Variants in UBXN2B observed in about 807,000 individuals in gnomAD.
The protein encoded by UBXN2B is UBX domain protein 2B, also known as UBX domain-containing protein 2B.
UBXN2B carries 19 observed loss-of-function variants against 37.5 expected under a neutral mutation model. The observed-to-expected ratio is 0.51, with a 90% CI of 0.35 to 0.74. UBXN2B has a LOEUF of 0.74. UBXN2B is among the 30% of genes least tolerant of loss of function. The pLI, the probability that UBXN2B is intolerant of heterozygous loss-of-function variation, is 0.01. For missense variants in UBXN2B, 370 were observed against 393.2 expected (o/e 0.94, Z 0.50); for synonymous variants, 145 against 143.8 (o/e 1.01, Z -0.06).
chr8:58,446,779 ATTTTTTTTTTTTTTTTTT>A (rs869090698), intron 7 of UBXN2B, among the ~76,000 whole-genome samples: 73 of 17,406 alleles, frequency 4.2e-3, no homozygotes, highest in African/African-American at 0.01. Flanking sequence ...TACAACCTGC[ATTTTTTTTTTTTTTTTTT>A]TTTTTTTTTT....
At position 58,439,610 on chromosome 8, in the gene UBXN2B, CT is replaced by C. The variant is rs374690089; in HGVS notation, c.534-17del. On this transcript the variant is annotated intron_variant, in intron 5 of 7. Transcript: ENST00000399598. ...TAATTCTTGGAAAACTTAATGATAACTTTTTTCCCCCCTTTTTAAAAGAGAG... is the reference window on the plus strand; with the variant it reads ...TAATTCTTGGAAAACTTAATGATAACTTTTTCCCCCCTTTTTAAAAGAGAG... The C allele has an allele frequency of 1.2e-3, 1,918 of 1,586,224 alleles. 2 individuals are homozygous for C. Among genetic ancestry groups the C allele is most frequent in the Admixed American group, 3.9e-3 (205 of 52,348 alleles).
At chr8:58,415,920 T>G (rs1807766713) in intron 1 of UBXN2B, among the ~76,000 whole-genome samples, 1 of 152,128 alleles carries the variant, frequency 6.6e-6, no homozygotes, top group Non-Finnish European at 1.5e-5. Context: ...AATAGAATTT[T>G]CAAAGAATTA....
chr8:58,445,368 G>T (rs1808642980), intron 6 of UBXN2B, among the ~76,000 whole-genome samples: 1 of 152,166 alleles, frequency 6.6e-6, no homozygotes, highest in Non-Finnish European at 1.5e-5. Context: ...GTGTTTAAAT[G>T]ATATTAACCA....
intron 6 of UBXN2B, among the ~76,000 whole-genome samples, chr8:58,441,380 T>C (rs1440466981): frequency 1.3e-5 from 2 of 149,242 alleles, no homozygotes; most frequent in Admixed American, 6.7e-5. Context: ...TATGTGTATA[T>C]ATATGTATGT....
chr8:58,441,203 A>G (rs1343462883), intron 6 of UBXN2B, among the ~76,000 whole-genome samples: 1 of 151,506 alleles, frequency 6.6e-6, no homozygotes, highest in Non-Finnish European at 1.5e-5. Flanking sequence ...TATGTTGCCC[A>G]GGCTGGTCTT....
At chr8:58,426,352 G>T (rs991191919) in intron 2 of UBXN2B, among the ~76,000 whole-genome samples, 2 of 151,896 alleles carry the variant, frequency 1.3e-5, no homozygotes, top group African/African-American at 4.8e-5. Flanking sequence ...GACTACAGGT[G>T]CCTGCCACCA....
chr8:58,446,020 G>A lies in UBXN2B; in HGVS notation c.785G>A (p.Arg262Lys). 7 of 1,613,046 alleles carry A rather than the reference G, an allele frequency of 4.3e-6. No individual in the cohort carries two copies. Among genetic ancestry groups the A allele is most frequent in the Non-Finnish European group, 5.9e-6 (7 of 1,179,704 alleles). The change falls in exon 7 of 8, where the codon AGG (arginine) becomes AAG (lysine). Residue 262 changes from arginine to lysine, a missense_variant. By Grantham distance (26) the Arg-to-Lys change is conservative. Around this residue, in one of 3 missense-constraint regions of UBXN2B, gnomAD observed 83 missense variants for 83.5 expected, o/e 0.99. Coordinates refer to ENST00000399598, the MANE Select transcript of UBXN2B (RefSeq NM_001077619.2). ...GTGCCAACAACAAAAATTCAAATCA[G>A]GTTAGCAGATGGGAGTCGTTTGATA... is the stretch of plus-strand genomic sequence containing the variant. ...DSVPTTKIQI[R>K]LADGSRLIQR...
At chr8:58,416,476 A>C (rs1445353275) in intron 1 of UBXN2B, among the ~76,000 whole-genome samples, 1 of 152,102 alleles carries the variant, frequency 6.6e-6, no homozygotes, top group African/African-American at 2.4e-5. Flanking sequence ...CTATTTTATG[A>C]GATCTGATGG....
chr8:58,436,838 C>T (rs1177431612), intron 5 of UBXN2B, among the ~76,000 whole-genome samples: 1 of 152,136 alleles, frequency 6.6e-6, no homozygotes, highest in Non-Finnish European at 1.5e-5. Context: ...AATCTGGTAC[C>T]ATGCTACTTG....
chr8:58,434,364 TATA>T (rs753880198), intron 4 of UBXN2B, 28 bp from the exon 5 acceptor site: 307 of 600,160 alleles, frequency 5.1e-4, no homozygotes, highest in East Asian at 4.2e-3. Context: ...TATATATATA[TATA>T]TATTTTTTTT....
chr8:58,424,816 T>C (rs569404089), intron 2 of UBXN2B: 53 of 1,442,816 alleles, frequency 3.7e-5, no homozygotes, highest in Non-Finnish European at 4.5e-5. Flanking sequence ...AGTATAATGC[T>C]GGACCGCCAT....
intron 1 of UBXN2B, among the ~76,000 whole-genome samples, chr8:58,414,857 G>A (rs1212657858): frequency 6.6e-6 from 1 of 151,916 alleles, no homozygotes; most frequent in Non-Finnish European, 1.5e-5. Flanking sequence ...ACATTCCATG[G>A]GGCTAGTGGC....
chr8:58,413,615 G>A (rs1488292611), intron 1 of UBXN2B, among the ~76,000 whole-genome samples: 2 of 152,136 alleles, frequency 1.3e-5, no homozygotes, highest in African/African-American at 2.4e-5. Context: ...CCCTGAGTAA[G>A]TGTATCTTAG....
intron 3 of UBXN2B, among the ~76,000 whole-genome samples, chr8:58,431,577 A>G (rs1288833959): frequency 6.6e-6 from 1 of 152,210 alleles, no homozygotes; most frequent in Non-Finnish European, 1.5e-5. Context: ...TCTCTGAGAT[A>G]AATGCTCAGA....
At position 58,416,866 on chromosome 8, in the gene UBXN2B, T is replaced by C. The variant is rs373020917; in HGVS notation, c.101T>C (p.Leu34Ser). The C allele has an allele frequency of 9.3e-6, 15 of 1,612,064 alleles. No individual in the cohort carries two copies. The highest frequency in any genetic ancestry group is 1.2e-5 in the Non-Finnish European group (14 of 1,178,720). ...ATTATGTAGTTGGCCTTGGCAGAATTGTATGAAGATGAAGTGAAGTGCAAA... is the reference window on the plus strand; with the variant it reads ...ATTATGTAGTTGGCCTTGGCAGAATCGTATGAAGATGAAGTGAAGTGCAAA... ...ARDLQLALAE[L>S]YEDEVKCKSS... Residue 34 changes from leucine (L) to serine (S), a missense_variant, in exon 2 of 8, where the codon TTG becomes TCG. Coordinates refer to ENST00000399598, the MANE Select transcript of UBXN2B (RefSeq NM_001077619.2).
chr8:58,411,372 C>T lies in UBXN2B; in HGVS notation c.-14C>T. 1 of 1,270,492 alleles carries T rather than the reference C, an allele frequency of 7.9e-7. No homozygotes were observed. The highest frequency in any genetic ancestry group is 2.8e-5 in the South Asian group (1 of 35,310). 78.7% of individuals were successfully genotyped at this position (1,270,492 alleles called of 1,614,324 possible). ...GCAGGTGCGTCCGCAGCGGGCGCCG[C>T]TAGCCAGCGGAAGATGGCGGAGGGC... On this transcript the variant is annotated 5_prime_UTR_variant, in exon 1 of 8. Transcript: ENST00000399598.
intron 2 of UBXN2B, among the ~76,000 whole-genome samples, chr8:58,426,961 G>A (rs1027558123): frequency 4.3e-4 from 65 of 152,196 alleles, no homozygotes; most frequent in African/African-American, 1.6e-3. Flanking sequence ...TTCAGTCTTA[G>A]TTTTCTTACC....
chr8:58,434,946 A>C, intron 5 of UBXN2B: 1 of 1,535,572 alleles, frequency 6.5e-7, no homozygotes, highest in Non-Finnish European at 8.7e-7. Context: ...AAGATTTCAA[A>C]AGGTTAGTTT....
chr8:58,443,341 A>G (rs377090250), intron 6 of UBXN2B, among the ~76,000 whole-genome samples: 2 of 152,176 alleles, frequency 1.3e-5, no homozygotes, highest in East Asian at 3.9e-4. Flanking sequence ...CTTTCCTGCC[A>G]TTTGCCTACA....
Sources: gnomAD v4.1 joint callset for allele counts (sites outside exome capture counted in the v4.1 genomes callset) on GRCh38, gnomAD v4.1.1 for gene constraint, gnomAD v4.1.1 regional missense constraint, MANE v1.5 for transcripts, NCBI Gene and HGNC (gene_info 2026-07-23, HGNC 2026-07-21) for gene names.